Variants in ADCK1 observed in about 807,000 individuals in gnomAD.
ADCK1 encodes aarF domain containing kinase 1, also known as aarF domain-containing protein kinase 1.
A neutral mutation model predicts 52.3 loss-of-function variants in ADCK1; 41 were observed. That is an observed-to-expected ratio of 0.78 (90% CI 0.61 to 1.02). The LOEUF is 1.02. Ranked by LOEUF, ADCK1 falls within the 50% of genes least tolerant of loss-of-function variation. The pLI, the probability that ADCK1 is intolerant of heterozygous loss-of-function variation, is 0.00. For synonymous variants in ADCK1, 250 were observed against 274.6 expected, an observed-to-expected ratio of 0.91 and a Z score of 0.89; for missense variants, 658 against 679.5, an observed-to-expected ratio of 0.97 and a Z score of 0.35.
chr14:77,852,155 C>T lies in ADCK1; in HGVS notation c.220-6921C>T, dbSNP rs1053043953. On this transcript the variant is annotated intron_variant, in intron 3 of 10. Coordinates refer to ENST00000238561, the MANE Select transcript of ADCK1 (RefSeq NM_020421.4). ...CTGGGACTACAGGTGCGCGCCACCA[C>T]GCCTGGCTAATTTTTATATTCTTAG... Among the ~76,000 whole-genome samples the T allele has an allele frequency of 3.9e-5, 6 of 152,164 alleles. No individual in the cohort carries two copies. The South Asian group carries it at 8.3e-4, about 21-fold the overall frequency.
chr14:77,848,566 A>T (rs923541387), intron 3 of ADCK1, among the ~76,000 whole-genome samples: 2 of 151,998 alleles, frequency 1.3e-5, no homozygotes, highest in African/African-American at 4.8e-5. Context: ...CCTGGGTTCA[A>T]ATAATTCTCC....
intron 7 of ADCK1, among the ~76,000 whole-genome samples, chr14:77,916,244 C>T (rs1327882688): frequency 6.6e-6 from 1 of 152,018 alleles, no homozygotes; most frequent in Non-Finnish European, 1.5e-5. Context: ...CTCCCACCTG[C>T]TCTGGTATCT....
chr14:77,900,523 G>C (rs753536827), intron 6 of ADCK1: 1 of 445,672 alleles, frequency 2.2e-6, no homozygotes, highest in Non-Finnish European at 4.5e-6. Flanking sequence ...GGAGGCAGAC[G>C]TTGTAGTGAG....
At chr14:77,815,183 T>A (rs1274678714) in intron 1 of ADCK1, among the ~76,000 whole-genome samples, 1 of 146,778 alleles carries the variant, frequency 6.8e-6, no homozygotes, top group Non-Finnish European at 1.5e-5. Context: ...AAAAATGTTT[T>A]AAAATTTTGT....
chr14:77,867,257 C>T (rs2140156795), intron 4 of ADCK1, among the ~76,000 whole-genome samples: 1 of 152,274 alleles, frequency 6.6e-6, no homozygotes, highest in South Asian at 2.1e-4. Flanking sequence ...TTTGTTCAGG[C>T]ATCTGGTTTG....
At chr14:77,872,767 C>T (rs375562048) in intron 4 of ADCK1, among the ~76,000 whole-genome samples, 36 of 151,894 alleles carry the variant, frequency 2.4e-4, no homozygotes, top group East Asian at 3.9e-4. Context: ...CTCCACCTCC[C>T]GGGTTCAAGT....
Position 77,916,745 on chromosome 14 carries a change from G to A in ADCK1, c.859-7712G>A, listed in dbSNP as rs143452100. ...TTCTTTCTTCCTCACTATCTCTCCC[G>A]ACACCATGTGTGGTCGAAGAGGTTC... On this transcript the variant is annotated intron_variant, in intron 7 of 10. Coordinates refer to ENST00000238561, the MANE Select transcript of ADCK1 (RefSeq NM_020421.4). Among the ~76,000 whole-genome samples the A allele has an allele frequency of 6.9e-3, 1,053 of 152,250 alleles. 14 individuals are homozygous for A. Among genetic ancestry groups the A allele is most frequent in the African/African-American group, 0.024 (1,002 of 41,534 alleles).
chr14:77,810,573 C>T (rs1337195610), intron 1 of ADCK1, among the ~76,000 whole-genome samples: 1 of 150,924 alleles, frequency 6.6e-6, no homozygotes, highest in Non-Finnish European at 1.5e-5. Flanking sequence ...CTCTGTCTCC[C>T]AGGCTGGAGT....
chr14:77,916,846 A>T (rs1032561472), intron 7 of ADCK1, among the ~76,000 whole-genome samples: 1 of 151,842 alleles, frequency 6.6e-6, no homozygotes, highest in Non-Finnish European at 1.5e-5. Flanking sequence ...ACAAGTTTGG[A>T]CTCCATGCTG....
intron 1 of ADCK1, among the ~76,000 whole-genome samples, chr14:77,815,352 G>A (rs1300799216): frequency 2.6e-5 from 4 of 151,422 alleles, no homozygotes; most frequent in Non-Finnish European, 5.9e-5. Flanking sequence ...ACTTATAGGC[G>A]TAGGCTATCA....
At chr14:77,825,538 C>G (rs2081677146) in intron 3 of ADCK1, among the ~76,000 whole-genome samples, 1 of 152,044 alleles carries the variant, frequency 6.6e-6, no homozygotes, top group Non-Finnish European at 1.5e-5. Flanking sequence ...AGGACAGAGA[C>G]TTGGTCTGTG....
At chr14:77,821,027 A>T (rs541977980) in intron 2 of ADCK1, 12 of 152,182 alleles carry the variant, frequency 7.9e-5, no homozygotes, top group African/African-American at 2.6e-4. Flanking sequence ...GTATATATAT[A>T]TTTTTAGACT....
At chr14:77,865,274 T>C (rs754144448) in intron 4 of ADCK1, among the ~76,000 whole-genome samples, 2 of 151,966 alleles carry the variant, frequency 1.3e-5, no homozygotes, top group Non-Finnish European at 2.9e-5. Context: ...AGGTTAGGAG[T>C]TCGAGACCAG....
intron 7 of ADCK1, among the ~76,000 whole-genome samples, chr14:77,912,587 G>A (rs1036085847): frequency 7.9e-5 from 12 of 152,096 alleles, no homozygotes; most frequent in African/African-American, 2.7e-4. Flanking sequence ...CCCTCCTGAG[G>A]GCAGCCTGGC....
intron 4 of ADCK1, among the ~76,000 whole-genome samples, chr14:77,861,668 G>T (rs1470221051): frequency 6.6e-6 from 1 of 152,208 alleles, no homozygotes; most frequent in African/African-American, 2.4e-5. Flanking sequence ...TGAGCTCAGA[G>T]ATTCCATAAG....
At chr14:77,810,683 A>G (rs1196205589) in intron 1 of ADCK1, among the ~76,000 whole-genome samples, 1 of 152,026 alleles carries the variant, frequency 6.6e-6, no homozygotes, top group Non-Finnish European at 1.5e-5. Flanking sequence ...GGCGCCCCCC[A>G]TCACGCCTGG....
intron 3 of ADCK1, among the ~76,000 whole-genome samples, chr14:77,836,250 G>C: frequency 6.6e-6 from 1 of 152,168 alleles, no homozygotes; most frequent in Non-Finnish European, 1.5e-5. Flanking sequence ...CTTGGTCATG[G>C]GCTTCCCAGC....
intron 3 of ADCK1, among the ~76,000 whole-genome samples, chr14:77,823,614 C>A (rs1231092690): frequency 6.7e-6 from 1 of 150,110 alleles, no homozygotes; most frequent in Admixed American, 6.7e-5. Flanking sequence ...ATTCCATCAC[C>A]CGGTCTGGGG....
At chr14:77,908,330 G>C (rs1195792985) in intron 7 of ADCK1, 2 of 161,688 alleles carry the variant, frequency 1.2e-5, no homozygotes, top group East Asian at 3.6e-4. Flanking sequence ...AGGCAAAAAG[G>C]GGACAGCAGC....
Sources: allele counts gnomAD v4.1 joint callset (sites outside exome capture counted in the v4.1 genomes callset), GRCh38; gene constraint gnomAD v4.1.1; transcripts MANE v1.5; gene names NCBI Gene and HGNC (gene_info 2026-07-23, HGNC 2026-07-21).